The following MTCL2 variants were observed in gnomAD, a reference collection of about 807,000 sequenced individuals.
MTCL2 encodes the protein microtubule cross-linking factor 2.
the MTCL2 span, among the ~76,000 whole-genome samples, chr20:36,796,480 C>A: frequency 6.6e-6 from 1 of 152,206 alleles, no homozygotes; most frequent in Non-Finnish European, 1.5e-5. Flanking sequence ...TCTCCTTGGC[C>A]ATAGCACAGG....
chr20:36,841,874 G>GGGGGGTGTGTGTGTGT, the MTCL2 span, among the ~76,000 whole-genome samples: 10 of 110,864 alleles, frequency 9.0e-5, no homozygotes, highest in African/African-American at 2.9e-4. Context: ...TGGGGGGTGG[G>GGGGGGTGTGTGTGTGT]GTGTGTGTGT....
the MTCL2 span, among the ~76,000 whole-genome samples, chr20:36,809,050 C>G: frequency 6.6e-6 from 1 of 152,190 alleles, no homozygotes; most frequent in Non-Finnish European, 1.5e-5. Context: ...GAGGAACCTG[C>G]GAGGGTGAGC....
the MTCL2 span, chr20:36,794,689 G>A: frequency 5.9e-6 from 9 of 1,536,758 alleles, no homozygotes; most frequent in Admixed American, 3.4e-5. The surrounding 1 kb of genome is among the most constrained non-coding windows in gnomAD (Gnocchi z 5.4). Flanking sequence ...TGTGCTGCGT[G>A]AGGGCAAAGA....
chr20:36,863,206 G>C, the MTCL2 span: 1 of 1,221,318 alleles, frequency 8.2e-7, no homozygotes, highest in South Asian at 3.4e-5. The surrounding 1 kb of genome is among the most constrained non-coding windows in gnomAD (Gnocchi z 6.2). Context: ...CCCTTAGCCA[G>C]CGACCAGCCG....
chr20:36,818,541 T>G, the MTCL2 span, among the ~76,000 whole-genome samples: 1 of 152,202 alleles, frequency 6.6e-6, no homozygotes, highest in Non-Finnish European at 1.5e-5. Context: ...GGCTCATGCC[T>G]GTAATCCCAG....
chr20:36,809,843 G>A, the MTCL2 span: 1 of 1,065,844 alleles, frequency 9.4e-7, no homozygotes, highest in East Asian at 3.0e-5. Context: ...CAAAGTGCTG[G>A]GATTACAGGC....
At chr20:36,793,322 A>G in the MTCL2 span, 6 of 1,551,658 alleles carry the variant, frequency 3.9e-6, no homozygotes, top group African/African-American at 8.2e-5. The surrounding 1 kb of genome is among the most constrained non-coding windows in gnomAD (Gnocchi z 6.8). Flanking sequence ...GAGCATGGTG[A>G]GTCTGACCTC....
the MTCL2 span, among the ~76,000 whole-genome samples, chr20:36,843,960 G>A: frequency 6.6e-6 from 1 of 152,138 alleles, no homozygotes. Context: ...AGGCCAGGTC[G>A]GGCACGATGG....
At chr20:36,829,513 CTT>C in the MTCL2 span, among the ~76,000 whole-genome samples, 242 of 106,478 alleles carry the variant, frequency 2.3e-3, no homozygotes, top group East Asian at 8.0e-3. Flanking sequence ...TTACCTGAGG[CTT>C]TTTTTTTTTT....
At chr20:36,826,284 T>C in the MTCL2 span, among the ~76,000 whole-genome samples, 1 of 134,826 alleles carries the variant, frequency 7.4e-6, no homozygotes, top group Middle Eastern at 4.2e-3. Context: ...GCTGGTCTTT[T>C]CTTTTCTGTT....
the MTCL2 span, chr20:36,794,144 A>G: frequency 5.8e-6 from 9 of 1,551,220 alleles, no homozygotes; most frequent in Non-Finnish European, 7.0e-6. This position sits in a 1 kb window ranked among gnomAD's most constrained non-coding sequence, Gnocchi z 5.4. Context: ...GCCTCCGTCC[A>G]GGCGCTGCCG....
the MTCL2 span, among the ~76,000 whole-genome samples, chr20:36,856,650 C>G: frequency 3.3e-4 from 51 of 152,324 alleles, no homozygotes; most frequent in Non-Finnish European, 1.8e-4. Context: ...ACCCACCACC[C>G]AGGACCCCAA....
At chr20:36,810,240 G>C in the MTCL2 span, 1 of 1,109,694 alleles carries the variant, frequency 9.0e-7, no homozygotes, top group Non-Finnish European at 1.3e-6. Context: ...ATACAAATCA[G>C]GCAGAATGAC....
At chr20:36,822,690 G>C in the MTCL2 span, among the ~76,000 whole-genome samples, 41 of 152,180 alleles carry the variant, frequency 2.7e-4, no homozygotes, top group East Asian at 7.0e-3. Flanking sequence ...ACCAAATCTG[G>C]AGGAGATGTT....
At chr20:36,855,070 C>G in the MTCL2 span, among the ~76,000 whole-genome samples, 1 of 152,146 alleles carries the variant, frequency 6.6e-6, no homozygotes, top group Non-Finnish European at 1.5e-5. Context: ...TCATCAAGCA[C>G]CCAGCTTAAC....
the MTCL2 span, chr20:36,859,803 G>A: frequency 8.1e-7 from 1 of 1,231,536 alleles, no homozygotes. Flanking sequence ...CTGGGGATTT[G>A]GAGTCCTTTC....
the MTCL2 span, among the ~76,000 whole-genome samples, chr20:36,822,127 G>A: frequency 1.3e-5 from 2 of 152,248 alleles, no homozygotes; most frequent in African/African-American, 4.8e-5. Context: ...GGGAAAACAA[G>A]GCGGGCTCAG....
the MTCL2 span, among the ~76,000 whole-genome samples, chr20:36,810,717 C>CCTCTCTCCCTCTCT: frequency 5.3e-5 from 5 of 94,272 alleles, no homozygotes; most frequent in South Asian, 4.2e-4. Context: ...TCTCTCTCTC[C>CCTCTCTCCCTCTCT]CTCTCTCTCT....
At chr20:36,862,361 C>T in the MTCL2 span, among the ~76,000 whole-genome samples, 1 of 152,208 alleles carries the variant, frequency 6.6e-6, no homozygotes, top group Admixed American at 6.5e-5. Context: ...TGGCTACCCA[C>T]CCCCACCTCA....
Sources: allele counts gnomAD v4.1 joint callset (sites outside exome capture counted in the v4.1 genomes callset), GRCh38; gene constraint gnomAD v4.1.1; non-coding constraint Gnocchi (gnomAD v3.1); transcripts MANE v1.5; gene names NCBI Gene and HGNC (gene_info 2026-07-23, HGNC 2026-07-21).